SYNE1: variants seen among roughly 807,000 people sequenced by gnomAD.
SYNE1 encodes the protein nesprin-1.
Under a neutral mutation model 1,111.0 loss-of-function variants are expected in SYNE1, and 616 were observed. The ratio of observed to expected loss-of-function variants is 0.55; its 90% CI spans 0.52 to 0.59. The LOEUF (loss-of-function observed/expected upper bound fraction) is 0.59. SYNE1 is among the 20% of genes least tolerant of loss of function. The pLI, the probability that SYNE1 is intolerant of heterozygous loss-of-function variation, is 0.00. For synonymous variants in SYNE1, 3,855 were observed against 3,825.8 expected (o/e 1.01, Z -0.28); for missense variants, 10,006 against 10,417.0 (o/e 0.96, Z 1.72).
chr6:152,217,522 A>G (rs1449091962), intron 121 of SYNE1, among the ~76,000 whole-genome samples: 1 of 152,174 alleles, frequency 6.6e-6, no homozygotes, highest in South Asian at 2.1e-4. Context: ...CTAATTAAGT[A>G]AAACCCTTAA....
intron 3 of SYNE1, among the ~76,000 whole-genome samples, chr6:152,616,253 G>A (rs780911481): frequency 2.6e-4 from 40 of 152,162 alleles, no homozygotes; most frequent in South Asian, 4.2e-4. Context: ...TAAGTAAGCC[G>A]TAGACAGGTT....
In SYNE1 at chr6:152,539,258, C is replaced by A. The variant is rs371019229; in HGVS notation, c.129+702G>T. 1.4e-4 allele frequency among the ~76,000 whole-genome samples: 22 copies of A among 152,274 alleles called. No homozygotes were observed. In the East Asian group the frequency reaches 4.1e-3, roughly 28 times the overall value. On this transcript the variant is annotated intron_variant, in intron 4 of 145. Transcript: ENST00000367255. ...TAAAAATTATCAGCAAATCCTCTAA[C>A]TGAATTCAGACACAATTGTCCCATC...
intron 39 of SYNE1, among the ~76,000 whole-genome samples, chr6:152,423,603 A>G (rs2098303792): frequency 6.6e-6 from 1 of 152,226 alleles, no homozygotes; most frequent in Non-Finnish European, 1.5e-5. Flanking sequence ...CTCTCTAGAT[A>G]ATAAGTAAAC....
chr6:152,268,388 T>TAAAAA (rs11427099), intron 99 of SYNE1, among the ~76,000 whole-genome samples: 19 of 142,240 alleles, frequency 1.3e-4, no homozygotes, highest in African/African-American at 4.9e-4. Flanking sequence ...ATCTGGGGGT[T>TAAAAA]AAAAAAAAAA....
intron 3 of SYNE1, among the ~76,000 whole-genome samples, chr6:152,626,063 A>T (rs1308080301): frequency 1.3e-5 from 2 of 152,154 alleles, no homozygotes; most frequent in African/African-American, 4.8e-5. Context: ...CATGCCACAG[A>T]TTTCTCAAGC....
chr6:152,325,892 T>C (rs1240669580), intron 80 of SYNE1, 66 bp downstream of exon 80: 1 of 1,575,130 alleles, frequency 6.3e-7, no homozygotes, highest in Admixed American at 1.7e-5. Context: ...GATTTATTGA[T>C]CATGTTGCAA....
At chr6:152,242,182 G>T in intron 107 of SYNE1, 58 bp downstream of exon 107, 3 of 1,419,850 alleles carry the variant, frequency 2.1e-6, no homozygotes, top group South Asian at 1.2e-5. Context: ...ATATATCAGG[G>T]TTTGAGAGCA....
In SYNE1 at chr6:152,339,239, A is replaced by G. The variant is rs2154000325; in HGVS notation, c.12351+2T>C. 1 of 1,613,562 alleles carries G rather than the reference A, an allele frequency of 6.2e-7. No homozygotes were observed. Among genetic ancestry groups the G allele is most frequent in the Non-Finnish European group, 8.5e-7 (1 of 1,179,598 alleles). On this transcript the variant is annotated splice_donor_variant, in intron 75 of 145. Transcript: ENST00000367255. LOFTEE classifies it high-confidence loss of function. ...ATTCAATGTGATTTTTCATTTTCTT[A>G]CCGTTTGCTCTGTTTGTTGAATGTC... is the stretch of plus-strand genomic sequence containing the variant.
rs1291180803 is a variant in SYNE1 at position 152,447,539 on chromosome 6, A to T, written c.3588T>A (p.Ser1196=). Reference sequence around the variant, plus strand: ...CTCCCTGCTTTTGGGCTTCATTCTCAGAAGAAACTTCTGTCAAAACTTTCA... The same window carrying T: ...CTCCCTGCTTTTGGGCTTCATTCTCTGAAGAAACTTCTGTCAAAACTTTCA... ...SRLKVLTEVS[S]ENEAQKQGDE... The change falls in exon 29 of 146, where the codon TCT becomes TCA. Residue 1196 remains serine (S), a synonymous_variant. Coordinates refer to ENST00000367255, the MANE Select transcript of SYNE1 (RefSeq NM_182961.4). The T allele has an allele frequency of 2.7e-5, 43 of 1,614,100 alleles. No homozygotes were observed. Among genetic ancestry groups the T allele is most frequent in the Non-Finnish European group, 3.6e-5 (42 of 1,180,044 alleles).
chr6:152,328,591 TA>T (rs2096153627), intron 78 of SYNE1, among the ~76,000 whole-genome samples: 1 of 151,686 alleles, frequency 6.6e-6, no homozygotes, highest in Non-Finnish European at 1.5e-5. Context: ...TTTTTGTATT[TA>T]GTAGAGACAG....
intron 66 of SYNE1, among the ~76,000 whole-genome samples, chr6:152,356,522 ATT>A (rs1320941687): frequency 5.4e-5 from 8 of 148,004 alleles, no homozygotes; most frequent in African/African-American, 2.0e-4. Context: ...ATTAATATAT[ATT>A]AATATATTAA....
At chr6:152,530,538 T>C (rs1277932869) in intron 4 of SYNE1, among the ~76,000 whole-genome samples, 2 of 151,604 alleles carry the variant, frequency 1.3e-5, no homozygotes, top group Admixed American at 6.6e-5. Context: ...GGGTCAACTG[T>C]AGTCTGAAAA....
In SYNE1 at chr6:152,415,004, A is replaced by G. The variant is rs1475802046; in HGVS notation, c.6050+1383T>C. On this transcript the variant is annotated intron_variant, in intron 41 of 145. Coordinates refer to ENST00000367255, the MANE Select transcript of SYNE1 (RefSeq NM_182961.4). ...ACTATCATCTGACTAAATCCTCGAC[A>G]TAATGGTTGATTCTGGTTAAAAGGA... Among the ~76,000 whole-genome samples, 3 of 152,218 alleles carry G rather than the reference A, an allele frequency of 2.0e-5. No homozygotes were observed. The East Asian group carries it at 5.8e-4, about 29-fold the overall frequency.
At position 152,331,455 on chromosome 6, in the gene SYNE1, C is replaced by T. The variant is rs947532445; in HGVS notation, c.13230G>A (p.Arg4410=). The T allele has an allele frequency of 1.9e-6, 3 of 1,614,002 alleles. No individual in the cohort carries two copies. Among genetic ancestry groups the T allele is most frequent in the African/African-American group, 2.7e-5 (2 of 74,902 alleles). ...CATTGAGACCAAGATCTGCCATGAC[C>T]CTGTCTGCGTCCTTTATAAGCGATT... ...LLKSLIKDAD[R]VMADLGLNER... The change falls in exon 78 of 146, where the codon AGG becomes AGA. Residue 4410 remains arginine, a synonymous_variant. Coordinates refer to ENST00000367255, the MANE Select transcript of SYNE1 (RefSeq NM_182961.4).
At chr6:152,169,475 T>G (rs1457920978) in intron 130 of SYNE1, among the ~76,000 whole-genome samples, 1 of 137,542 alleles carries the variant, frequency 7.3e-6, no homozygotes, top group African/African-American at 2.7e-5. Context: ...GGCAGGAGAA[T>G]GGCGTGAACC....
intron 3 of SYNE1, among the ~76,000 whole-genome samples, chr6:152,557,958 T>C (rs921819774): frequency 2.0e-5 from 3 of 152,116 alleles, no homozygotes; most frequent in South Asian, 2.1e-4. Flanking sequence ...CACTTTGATA[T>C]AAAAGTTAAA....
intron 127 of SYNE1, among the ~76,000 whole-genome samples, chr6:152,196,413 G>A (rs556147708): frequency 5.3e-4 from 80 of 152,124 alleles, no homozygotes; most frequent in Non-Finnish European, 6.8e-4. Flanking sequence ...GCATGTCTCC[G>A]AATCTGACCC....
At chr6:152,270,755 T>C (rs565170562) in intron 98 of SYNE1, among the ~76,000 whole-genome samples, 20 of 152,160 alleles carry the variant, frequency 1.3e-4, no homozygotes, top group Non-Finnish European at 2.6e-4. Flanking sequence ...ATAACTGAGC[T>C]GAAGATAAGG....
At chr6:152,510,512 G>A in intron 7 of SYNE1, 141 bp from the exon 8 acceptor site, 1 of 925,858 alleles carries the variant, frequency 1.1e-6, no homozygotes, top group Non-Finnish European at 1.7e-6. Flanking sequence ...TAAAGGGCAT[G>A]ATTGATATCT....
Sources: allele counts gnomAD v4.1 joint callset (sites outside exome capture counted in the v4.1 genomes callset), GRCh38; gene constraint gnomAD v4.1.1; transcripts MANE v1.5; gene names NCBI Gene and HGNC (gene_info 2026-07-23, HGNC 2026-07-21).